The following SASH1 variants were observed in gnomAD, a reference collection of about 807,000 sequenced individuals.
The protein encoded by SASH1 is SAM and SH3 domain containing 1, also known as SAM and SH3 domain-containing protein 1.
In SASH1, 44 loss-of-function variants were observed where a neutral mutation model predicts 125.2. That is an observed-to-expected ratio of 0.35 (90% CI 0.28 to 0.45). The LOEUF (loss-of-function observed/expected upper bound fraction) is 0.45, where lower values mean the gene tolerates loss of function less well. SASH1 is among the 20% of genes least tolerant of loss of function. SASH1 has a pLI of 1.00. For missense variants in SASH1, 1,426 were observed against 1,614.5 expected (o/e 0.88, Z 2.00); for synonymous variants, 639 against 649.1 (o/e 0.98, Z 0.24).
At chr6:148,392,489 T>G (rs978523222) in intron 2 of SASH1, among the ~76,000 whole-genome samples, 9 of 152,268 alleles carry the variant, frequency 5.9e-5, no homozygotes, top group Admixed American at 5.9e-4. Context: ...GTGAGTCCTC[T>G]CATACAAGGG....
chr6:148,202,712 T>A, the SASH1 span, among the ~76,000 whole-genome samples: 1 of 152,194 alleles, frequency 6.6e-6, no homozygotes, highest in Non-Finnish European at 1.5e-5. Context: ...CCCAGCACTT[T>A]GGGAGGCCGA....
upstream of SASH1, among the ~76,000 whole-genome samples, chr6:148,340,726 G>C (rs942366588): frequency 6.6e-6 from 1 of 152,208 alleles, no homozygotes; most frequent in African/African-American, 2.4e-5. Context: ...ATCAGCCTAG[G>C]AAAGCACAAG....
chr6:148,461,053 A>T (rs1226195171), intron 4 of SASH1, among the ~76,000 whole-genome samples: 1 of 152,176 alleles, frequency 6.6e-6, no homozygotes, highest in African/African-American at 2.4e-5. Context: ...ATTTCCTTGG[A>T]GCTTCCCCAG....
chr6:148,365,164 T>A (rs1394024820), intron 1 of SASH1, among the ~76,000 whole-genome samples: 1 of 152,036 alleles, frequency 6.6e-6, no homozygotes. Context: ...AATTTTCCCT[T>A]CAAGTATTTC....
chr6:148,449,814 C>T (rs1777007227), intron 4 of SASH1, among the ~76,000 whole-genome samples: 1 of 152,086 alleles, frequency 6.6e-6, no homozygotes, highest in Non-Finnish European at 1.5e-5. Flanking sequence ...GTGAAAAAGG[C>T]CAAAGAGGAA....
At chr6:148,365,729 C>T (rs988679140) in intron 1 of SASH1, among the ~76,000 whole-genome samples, 1 of 151,966 alleles carries the variant, frequency 6.6e-6, no homozygotes, top group Non-Finnish European at 1.5e-5. Context: ...AATCCCAGCC[C>T]TTTGGGAGGC....
At chr6:148,468,640 AACAC>A in intron 5 of SASH1, 55 bp downstream of exon 5, 1 of 1,133,400 alleles carries the variant, frequency 8.8e-7, no homozygotes, top group Non-Finnish European at 1.3e-6. Flanking sequence ...CTTTATAGAA[AACAC>A]GAATATGTGA....
At chr6:148,352,596 T>TATAAATAAATAA (rs144016974) in intron 1 of SASH1, among the ~76,000 whole-genome samples, 1 of 141,280 alleles carries the variant, frequency 7.1e-6, no homozygotes, top group African/African-American at 2.6e-5. Flanking sequence ...GACTCCTTCT[T>TATAAATAAATAA]ATAAATAAAT....
chr6:148,471,570 T>C lies in SASH1; in HGVS notation c.514+67T>C. 4.3e-6 allele frequency: 4 copies of C among 929,378 alleles called. 1 individual carries two copies. In the South Asian group the frequency reaches 5.7e-5, roughly 13 times the overall value. The allele number at this position is 929,378 out of a possible 1,614,324, so 57.6% of individuals were successfully genotyped here. On this transcript the variant is annotated intron_variant, in intron 6 of 19. Transcript: ENST00000367467. ...TAACATGGGAAGAATCCTATGCGGC[T>C]AATCTCAGTGGATGCTATAAGTTAG...
At chr6:148,258,320 G>A in the SASH1 span, among the ~76,000 whole-genome samples, 3 of 152,028 alleles carry the variant, frequency 2.0e-5, no homozygotes, top group South Asian at 4.1e-4. Flanking sequence ...TTCCAGAGTC[G>A]ACTTAATTTT....
intron 2 of SASH1, among the ~76,000 whole-genome samples, chr6:148,429,757 AAAAC>A (rs146456791): frequency 0.19 from 28,870 of 151,652 alleles, 2,947 homozygotes; most frequent in African/African-American, 0.26. Context: ...AAAAAAAACA[AAAAC>A]AAACAAACAA....
At position 148,532,324 on chromosome 6, in the gene SASH1, T is replaced by C. The variant is rs970240315; in HGVS notation, c.1565-473T>C. ...CTCAAGCGATCTGCCCACCTCGGCC[T>C]CCTAAAGTGCTGGGATTATAGGCGT... On this transcript the variant is annotated intron_variant, in intron 13 of 19. Coordinates refer to ENST00000367467, the MANE Select transcript of SASH1 (RefSeq NM_015278.5). This position sits in a 1 kb window ranked among gnomAD's most constrained non-coding sequence, Gnocchi z 4.7. Among the ~76,000 whole-genome samples, 1 of 152,170 alleles carries C rather than the reference T, an allele frequency of 6.6e-6. No individual in the cohort carries two copies.
rs2114658506 is a variant in SASH1, at chr6:148,349,472, C to T, written c.156+6249C>T. ...AGAAATGGGTTTTCACCATATTGTC[C>T]AGGCTGGTCTTGAACTCCTGACCTA... On this transcript the variant is annotated intron_variant, in intron 1 of 19. Transcript: ENST00000367467. Among the ~76,000 whole-genome samples the T allele has an allele frequency of 2.0e-5, 3 of 152,050 alleles. No individual in the cohort carries two copies. In the Middle Eastern group the frequency reaches 0.01, roughly 517 times the overall value.
In SASH1 at chr6:148,362,548, A is replaced by G. The variant is rs566015529; in HGVS notation, c.156+19325A>G. Among the ~76,000 whole-genome samples the G allele has an allele frequency of 3.4e-5, 5 of 148,960 alleles. No homozygotes were observed. The South Asian group carries it at 1.1e-3, about 32-fold the overall frequency. On this transcript the variant is annotated intron_variant, in intron 1 of 19. Transcript: ENST00000367467. Reference sequence around the variant, plus strand: ...TCCTGCTTGCCATTTTTACTATTATATGCCTTTTTTTTTTTTGAAAGTGAG... The same window carrying G: ...TCCTGCTTGCCATTTTTACTATTATGTGCCTTTTTTTTTTTTGAAAGTGAG...
intron 2 of SASH1, among the ~76,000 whole-genome samples, chr6:148,402,872 G>A (rs914969872): frequency 6.6e-6 from 1 of 152,136 alleles, no homozygotes; most frequent in Admixed American, 6.6e-5. Flanking sequence ...GCCTCCCAAA[G>A]TGCTGGGATT....
chr6:148,239,276 C>T, the SASH1 span, among the ~76,000 whole-genome samples: 1 of 152,266 alleles, frequency 6.6e-6, no homozygotes, highest in South Asian at 2.1e-4. Context: ...GAAATGATAA[C>T]ATAACAGTGT....
At chr6:148,292,943 T>C (rs1020070942) in intron 1 of SASH1, among the ~76,000 whole-genome samples, 2 of 151,808 alleles carry the variant, frequency 1.3e-5, no homozygotes, top group African/African-American at 4.8e-5. Context: ...TCCCAGCTAC[T>C]CAGGAGGCTG....
At chr6:148,317,800 G>GA in intron 1 of SASH1, among the ~76,000 whole-genome samples, 1 of 152,202 alleles carries the variant, frequency 6.6e-6, no homozygotes, top group Non-Finnish European at 1.5e-5. Flanking sequence ...TTCCATTCAT[G>GA]AAATATTTGC....
At chr6:148,474,063 C>A (rs146971563) in intron 6 of SASH1, 47 bp from the exon 7 acceptor site, 1 of 1,213,862 alleles carries the variant, frequency 8.2e-7, no homozygotes, top group Non-Finnish European at 1.2e-6. Context: ...CGTTCTGTTT[C>A]GCCATTCTTG....
Sources: allele counts gnomAD v4.1 joint callset (sites outside exome capture counted in the v4.1 genomes callset), GRCh38; gene constraint gnomAD v4.1.1; non-coding constraint Gnocchi (gnomAD v3.1); transcripts MANE v1.5; gene names NCBI Gene and HGNC (gene_info 2026-07-23, HGNC 2026-07-21).